Variants in DPP6 observed in about 807,000 individuals in gnomAD.
DPP6 encodes dipeptidyl peptidase like 6, also known as A-type potassium channel modulatory protein DPP6.
In DPP6, 69 loss-of-function variants were observed where a neutral mutation model predicts 122.6. The ratio of observed to expected loss-of-function variants is 0.56; its 90% CI spans 0.46 to 0.69. DPP6 has a LOEUF of 0.69. Among genes scored for constraint, DPP6 ranks in the 30% least tolerant of loss-of-function variants. The pLI is 0.00. For synonymous variants in DPP6, 418 were observed against 433.1 expected (o/e 0.97, Z 0.43); for missense variants, 928 against 1,116.9 (o/e 0.83, Z 2.41).
At chr7:154,243,927 G>A (rs1000656521) in intron 1 of DPP6, among the ~76,000 whole-genome samples, 3 of 152,064 alleles carry the variant, frequency 2.0e-5, no homozygotes, top group African/African-American at 7.2e-5. Flanking sequence ...TAGCAGGACA[G>A]CATCCATGTG....
intron 7 of DPP6, among the ~76,000 whole-genome samples, chr7:154,713,508 G>A (rs1331583363): frequency 6.6e-6 from 1 of 152,250 alleles, no homozygotes; most frequent in African/African-American, 2.4e-5. Flanking sequence ...AATCTAGGTG[G>A]AGGTTCCCAA....
At chr7:154,330,842 T>A (rs947359120) in intron 1 of DPP6, among the ~76,000 whole-genome samples, 2 of 152,178 alleles carry the variant, frequency 1.3e-5, no homozygotes, top group African/African-American at 4.8e-5. Flanking sequence ...TTTCTGGACT[T>A]CAGTCTCCTC....
intron 1 of DPP6, among the ~76,000 whole-genome samples, chr7:154,220,254 C>T (rs1800228119): frequency 6.6e-6 from 1 of 152,086 alleles, no homozygotes; most frequent in Non-Finnish European, 1.5e-5. Context: ...GCTGCCTGGC[C>T]CTTTCTGCTC....
At chr7:154,814,065 G>A (rs1399332098) in intron 16 of DPP6, among the ~76,000 whole-genome samples, 1 of 151,792 alleles carries the variant, frequency 6.6e-6, no homozygotes, top group African/African-American at 2.4e-5. Flanking sequence ...ATTTTTAGTA[G>A]AGACGGGGTT....
At chr7:154,116,909 C>T (rs886569266) in intron 1 of DPP6, among the ~76,000 whole-genome samples, 1 of 152,226 alleles carries the variant, frequency 6.6e-6, no homozygotes, top group Non-Finnish European at 1.5e-5. Context: ...CTTAATTCTT[C>T]TTCTCCATTT....
At chr7:154,056,714 G>A (rs146894082) in intron 1 of DPP6, among the ~76,000 whole-genome samples, 266 of 152,296 alleles carry the variant, frequency 1.7e-3, no homozygotes, top group African/African-American at 6.1e-3. Flanking sequence ...TTCATCATCC[G>A]CTATGTCTTC....
At chr7:154,344,546 G>T (rs184696304) in intron 1 of DPP6, among the ~76,000 whole-genome samples, 5 of 152,224 alleles carry the variant, frequency 3.3e-5, no homozygotes, top group South Asian at 2.1e-4. Context: ...ACCAGGGAAA[G>T]GTTTTAACAA....
chr7:154,371,378 C>CAAAAAAAAAAAAAAAA (rs1167770083), intron 1 of DPP6, among the ~76,000 whole-genome samples: 31 of 47,702 alleles, frequency 6.5e-4, no homozygotes, highest in Non-Finnish European at 8.2e-4. Flanking sequence ...AACTCTGTCT[C>CAAAAAAAAAAAAAAAA]AAAAAAAAAA....
chr7:153,985,167 T>C (rs71530432), intron 1 of DPP6, among the ~76,000 whole-genome samples: 4 of 152,244 alleles, frequency 2.6e-5, no homozygotes, highest in African/African-American at 4.8e-5. Context: ...GTCCATGTTT[T>C]AAGACTACTT....
the DPP6 span, among the ~76,000 whole-genome samples, chr7:153,865,194 T>C: frequency 9.2e-5 from 14 of 152,276 alleles, no homozygotes; most frequent in East Asian, 2.1e-3. Context: ...GAAAAACATT[T>C]TTTGGGTAGG....
At chr7:154,211,203 T>G (rs1222344339) in intron 1 of DPP6, among the ~76,000 whole-genome samples, 2 of 152,148 alleles carry the variant, frequency 1.3e-5, no homozygotes, top group Non-Finnish European at 2.9e-5. Context: ...AGCATCAGCA[T>G]TATTTAGAAT....
rs766799670 is a variant in DPP6, at chr7:154,481,475, C to T, written c.457+6438C>T. 1.3e-5 allele frequency among the ~76,000 whole-genome samples: 2 copies of T among 151,588 alleles called. No homozygotes were observed. The highest frequency in any genetic ancestry group is 2.9e-5 in the Non-Finnish European group (2 of 67,944). On this transcript the variant is annotated intron_variant, in intron 3 of 25. Coordinates refer to ENST00000377770, the MANE Select transcript of DPP6 (RefSeq NM_130797.4). This position sits in a 1 kb window ranked among gnomAD's most constrained non-coding sequence, Gnocchi z 4.2. ...ATGCCCAGCACTACATCATCCTCCC[C>T]CAACCTCTTCACAGACCCCCCGCTG...
intron 1 of DPP6, among the ~76,000 whole-genome samples, chr7:154,402,838 A>G (rs1815754595): frequency 6.6e-6 from 1 of 152,162 alleles, no homozygotes; most frequent in Non-Finnish European, 1.5e-5. Context: ...ATAGTTTCCC[A>G]ATACTGTTAT....
At chr7:154,484,767 T>C (rs1315697556) in intron 3 of DPP6, among the ~76,000 whole-genome samples, 1 of 152,236 alleles carries the variant, frequency 6.6e-6, no homozygotes, top group Admixed American at 6.5e-5. Flanking sequence ...GTCTCTAGGA[T>C]GCGGTACTAG....
Position 154,309,514 on chromosome 7 carries a change from CG to C in DPP6, c.244-136698del, listed in dbSNP as rs771137267. Among the ~76,000 whole-genome samples the C allele has an allele frequency of 3.3e-5, 5 of 152,224 alleles. 1 individual carries two copies. On this transcript the variant is annotated intron_variant, in intron 1 of 25. Coordinates refer to ENST00000377770, the MANE Select transcript of DPP6 (RefSeq NM_130797.4). ...TTCTGGGAGAGGTTAGGTGGCCTCCCGGAAGGGCACATAGGTAATGGCCCAG... is the reference window on the plus strand; with the variant it reads ...TTCTGGGAGAGGTTAGGTGGCCTCCCGAAGGGCACATAGGTAATGGCCCAG...
chr7:154,444,668 T>C (rs151184460), intron 1 of DPP6, among the ~76,000 whole-genome samples: 1 of 152,320 alleles, frequency 6.6e-6, no homozygotes, highest in Admixed American at 6.5e-5. Context: ...CTTGTATGAA[T>C]AGTACCACTG....
chr7:154,357,116 A>G (rs1225257369), intron 1 of DPP6, among the ~76,000 whole-genome samples: 1 of 152,218 alleles, frequency 6.6e-6, no homozygotes, highest in Non-Finnish European at 1.5e-5. Context: ...TAAATGAACC[A>G]TGAACAATGA....
chr7:154,450,059 T>A (rs1261580856), intron 2 of DPP6, among the ~76,000 whole-genome samples: 3 of 149,534 alleles, frequency 2.0e-5, no homozygotes, highest in African/African-American at 7.4e-5. Context: ...TAAATAAATG[T>A]GATGTAACCA....
rs1351432950 is a variant in DPP6 at position 154,483,862 on chromosome 7, T to C, written c.457+8825T>C. 1.3e-5 allele frequency among the ~76,000 whole-genome samples: 2 copies of C among 152,114 alleles called. No individual in the cohort carries two copies. The highest frequency in any genetic ancestry group is 2.9e-5 in the Non-Finnish European group (2 of 68,014). ...GGTGCACACCATCACGCCTAGCTAA[T>C]TTTTGTATTTTTAGCAGAGACAGGG... On this transcript the variant is annotated intron_variant, in intron 3 of 25. Coordinates refer to ENST00000377770, the MANE Select transcript of DPP6 (RefSeq NM_130797.4). This position sits in a 1 kb window ranked among gnomAD's most constrained non-coding sequence, Gnocchi z 8.1.
Sources: allele counts gnomAD v4.1 joint callset (sites outside exome capture counted in the v4.1 genomes callset), GRCh38; gene constraint gnomAD v4.1.1; non-coding constraint Gnocchi (gnomAD v3.1); transcripts MANE v1.5; gene names NCBI Gene and HGNC (gene_info 2026-07-23, HGNC 2026-07-21).